The following CRY1 variants were observed in gnomAD, a reference collection of about 807,000 sequenced individuals.
CRY1 encodes the protein cryptochrome-1.
A neutral mutation model predicts 76.0 loss-of-function variants in CRY1; 45 were observed. The observed-to-expected ratio is 0.59, with a 90% CI of 0.47 to 0.76. The LOEUF is 0.76. Among genes scored for constraint, CRY1 ranks in the 30% least tolerant of loss-of-function variants. CRY1 has a pLI of 0.00. For synonymous variants in CRY1, 248 were observed against 244.0 expected (o/e 1.02, Z -0.15); for missense variants, 587 against 716.4 (o/e 0.82, Z 2.06).
At chr12:107,003,271 C>T (rs916937794) in intron 3 of CRY1, among the ~76,000 whole-genome samples, 3 of 152,106 alleles carry the variant, frequency 2.0e-5, no homozygotes, top group Non-Finnish European at 4.4e-5. Context: ...AAATAACTAG[C>T]TTTGCCAATG....
chr12:107,001,626 T>C, intron 4 of CRY1, 138 bp downstream of exon 4: 2 of 737,052 alleles, frequency 2.7e-6, no homozygotes, highest in South Asian at 2.2e-5. Flanking sequence ...TCTTAAAGGG[T>C]TCTTTTTCTT....
intron 1 of CRY1, among the ~76,000 whole-genome samples, chr12:107,080,909 T>C (rs1953315531): frequency 6.6e-6 from 1 of 152,120 alleles, no homozygotes; most frequent in African/African-American, 2.4e-5. Flanking sequence ...TCTGTTCCTT[T>C]GTTGTTACAG....
rs117836577 is a variant in CRY1 at position 107,068,972 on chromosome 12, G to C, written c.158+23832C>G. Reference sequence around the variant, plus strand: ...TTGTTTATCCATTCATCAGTGGACAGACATTTAGGTTGTTTCCACATTTTG... The same window carrying C: ...TTGTTTATCCATTCATCAGTGGACACACATTTAGGTTGTTTCCACATTTTG... On this transcript the variant is annotated intron_variant, in intron 1 of 12. Coordinates refer to ENST00000008527, the MANE Select transcript of CRY1 (RefSeq NM_004075.5). 5.9e-3 allele frequency among the ~76,000 whole-genome samples: 903 copies of C among 152,304 alleles called. 6 individuals are homozygous for C. Among genetic ancestry groups the C allele is most frequent in the Non-Finnish European group, 8.1e-3 (553 of 68,036 alleles).
chr12:107,070,883 TTTAGTAGAGAC>T (rs1953182899), intron 1 of CRY1, among the ~76,000 whole-genome samples: 1 of 149,718 alleles, frequency 6.7e-6, no homozygotes, highest in African/African-American at 2.4e-5. Context: ...TTTTTTTTTT[TTTAGTAGAGAC>T]AGGGTTTCAC....
Position 106,991,376 on chromosome 12 carries a change from A to G in CRY1, c.*626T>C, listed in dbSNP as rs1171636780. 1 of 152,602 alleles carries G rather than the reference A, an allele frequency of 6.6e-6. No individual in the cohort carries two copies. Among genetic ancestry groups the G allele is most frequent in the Non-Finnish European group, 1.5e-5 (1 of 68,024 alleles). 9.5% of individuals were successfully genotyped at this position (152,602 alleles called of 1,614,324 possible). A position where few individuals can be genotyped will look rare whatever the true frequency, so the allele number is the denominator to read the frequency against. ...CACGTACACAAGATTTCATATTTGC[A>G]TATACTTTAATAACAAGTTCATTTT... On this transcript the variant is annotated 3_prime_UTR_variant, in exon 13 of 13. Coordinates refer to ENST00000008527, the MANE Select transcript of CRY1 (RefSeq NM_004075.5).
chr12:107,015,318 A>G (rs1259752108), intron 2 of CRY1, among the ~76,000 whole-genome samples: 1 of 151,220 alleles, frequency 6.6e-6, no homozygotes, highest in African/African-American at 2.4e-5. Flanking sequence ...TTACATCTTA[A>G]CCAGAGATGG....
At chr12:107,076,881 C>T (rs1434345543) in intron 1 of CRY1, among the ~76,000 whole-genome samples, 2 of 152,078 alleles carry the variant, frequency 1.3e-5, no homozygotes, top group African/African-American at 4.8e-5. Flanking sequence ...GCACCTCCCC[C>T]CGACTCTCTT....
intron 2 of CRY1, among the ~76,000 whole-genome samples, chr12:107,012,614 T>C (rs1952457843): frequency 6.6e-6 from 1 of 152,224 alleles, no homozygotes. Context: ...ATTCTGACTT[T>C]CAAGTTTTAT....
chr12:107,006,354 G>A (rs1283087119), intron 2 of CRY1, among the ~76,000 whole-genome samples: 2 of 151,672 alleles, frequency 1.3e-5, no homozygotes, highest in South Asian at 2.1e-4. Flanking sequence ...CAGACTGAGC[G>A]ACAGGAGCGA....
At chr12:107,024,504 G>A (rs1466502103) in intron 1 of CRY1, among the ~76,000 whole-genome samples, 1 of 151,904 alleles carries the variant, frequency 6.6e-6, no homozygotes, top group Admixed American at 6.6e-5. Flanking sequence ...AGCCTCTAGA[G>A]TGACTGGGAC....
At chr12:107,033,465 T>C (rs553513898) in intron 1 of CRY1, among the ~76,000 whole-genome samples, 3 of 152,290 alleles carry the variant, frequency 2.0e-5, no homozygotes, top group Admixed American at 6.5e-5. Context: ...AAAAGAAAAT[T>C]ATAAACTAAT....
At chr12:107,013,727 G>A (rs757530119) in intron 2 of CRY1, among the ~76,000 whole-genome samples, 108 of 152,114 alleles carry the variant, frequency 7.1e-4, no homozygotes, top group Admixed American at 1.0e-3. Flanking sequence ...TGACTAGCTG[G>A]CACTGAGATC....
At chr12:107,080,229 C>A (rs577130187) in intron 1 of CRY1, among the ~76,000 whole-genome samples, 1 of 152,064 alleles carries the variant, frequency 6.6e-6, no homozygotes, top group Non-Finnish European at 1.5e-5. Context: ...CAGGAAAACT[C>A]AGTTTGGGGT....
chr12:107,019,630 G>A (rs748427618), intron 2 of CRY1, among the ~76,000 whole-genome samples: 2 of 152,030 alleles, frequency 1.3e-5, no homozygotes, highest in Non-Finnish European at 2.9e-5. Context: ...TAAGAATTTT[G>A]TTATTTTAAA....
intron 1 of CRY1, among the ~76,000 whole-genome samples, chr12:107,074,478 A>T (rs909086896): frequency 3.1e-4 from 47 of 152,334 alleles, no homozygotes; most frequent in African/African-American, 9.1e-4. Flanking sequence ...AAGTAACCAG[A>T]GTCAATAGAA....
chr12:107,037,376 AC>A (rs1952746351), intron 1 of CRY1, among the ~76,000 whole-genome samples: 1 of 152,168 alleles, frequency 6.6e-6, no homozygotes, highest in Non-Finnish European at 1.5e-5. Flanking sequence ...TACTGAAAAT[AC>A]AAAAATTAGC....
intron 2 of CRY1, among the ~76,000 whole-genome samples, chr12:107,013,191 G>A (rs1335742798): frequency 7.2e-5 from 11 of 152,178 alleles, no homozygotes; most frequent in Non-Finnish European, 1.0e-4. Flanking sequence ...TTGGTGAAAG[G>A]AAGAGTCAAT....
chr12:107,032,209 C>G (rs936869802), intron 1 of CRY1, among the ~76,000 whole-genome samples: 1 of 152,180 alleles, frequency 6.6e-6, no homozygotes, highest in African/African-American at 2.4e-5. Context: ...GCTGGGATTA[C>G]AGGCATGAGC....
At chr12:107,065,810 C>G (rs1187379236) in intron 1 of CRY1, among the ~76,000 whole-genome samples, 1 of 152,116 alleles carries the variant, frequency 6.6e-6, no homozygotes, top group Non-Finnish European at 1.5e-5. Flanking sequence ...TAAATGGAAG[C>G]AATTTCTACT....
Sources: gnomAD v4.1 joint callset for allele counts (sites outside exome capture counted in the v4.1 genomes callset) on GRCh38, gnomAD v4.1.1 for gene constraint, MANE v1.5 for transcripts, NCBI Gene and HGNC (gene_info 2026-07-23, HGNC 2026-07-21) for gene names.